Variants in SYNE1 observed in about 807,000 individuals in gnomAD.
SYNE1 encodes nesprin-1.
In SYNE1, 616 loss-of-function variants were observed where a neutral mutation model predicts 1,111.0. The observed-to-expected ratio is 0.55, with a 90% CI of 0.52 to 0.59. SYNE1 has a LOEUF of 0.59. Ranked by LOEUF, SYNE1 falls within the 20% of genes least tolerant of loss-of-function variation. SYNE1 has a pLI of 0.00. For missense variants in SYNE1, 10,006 were observed against 10,417.0 expected, an observed-to-expected ratio of 0.96 and a Z score of 1.72; for synonymous variants, 3,855 against 3,825.8, an observed-to-expected ratio of 1.01 and a Z score of -0.28.
intron 83 of SYNE1, 29 bp from the exon 84 acceptor site, chr6:152,321,419 C>A: frequency 3.1e-6 from 5 of 1,611,912 alleles, no homozygotes; most frequent in Non-Finnish European, 4.2e-6. Context: ...TAAGAAATTT[C>A]TGGGAACCTT....
intron 87 of SYNE1, among the ~76,000 whole-genome samples, chr6:152,313,464 C>CTT (rs35627993): frequency 6.6e-5 from 9 of 135,632 alleles, no homozygotes; most frequent in South Asian, 2.4e-4. Flanking sequence ...ATTTTCTTTT[C>CTT]TTTTTTTTTT....
chr6:152,316,557 T>G, intron 87 of SYNE1: 1 of 402,426 alleles, frequency 2.5e-6, no homozygotes, highest in Non-Finnish European at 4.6e-6. Flanking sequence ...TCCCTGCAGA[T>G]AATTATTTCA....
intron 3 of SYNE1, among the ~76,000 whole-genome samples, chr6:152,578,668 T>G (rs1318705535): frequency 6.6e-6 from 1 of 152,212 alleles, no homozygotes; most frequent in Non-Finnish European, 1.5e-5. Context: ...AACTTTGATT[T>G]CAAGATTCCC....
intron 97 of SYNE1, among the ~76,000 whole-genome samples, chr6:152,279,176 TCTC>T (rs2093851920): frequency 7.2e-6 from 1 of 138,740 alleles, no homozygotes; most frequent in Admixed American, 7.6e-5. Context: ...TGAGACAAGG[TCTC>T]CTCTAAAATG....
At chr6:152,355,088 T>C (rs948288015) in intron 66 of SYNE1, 112 bp from the exon 67 acceptor site, 2 of 1,202,134 alleles carry the variant, frequency 1.7e-6, no homozygotes, top group Non-Finnish European at 2.4e-6. Flanking sequence ...TAGAAAAAAA[T>C]GATTTTATTA....
chr6:152,514,815 C>T (rs890151378), intron 6 of SYNE1, among the ~76,000 whole-genome samples: 2 of 152,164 alleles, frequency 1.3e-5, no homozygotes, highest in African/African-American at 4.8e-5. Flanking sequence ...TAATCCTGGA[C>T]TTCTTGCCTC....
chr6:152,151,756 G>A, intron 134 of SYNE1, 66 bp from the exon 135 acceptor site: 1 of 1,569,980 alleles, frequency 6.4e-7, no homozygotes, highest in Non-Finnish European at 8.7e-7. Context: ...ATATGGAGAT[G>A]GCACAGCGAA....
At chr6:152,185,880 C>T (rs575881393) in intron 128 of SYNE1, among the ~76,000 whole-genome samples, 36 of 152,284 alleles carry the variant, frequency 2.4e-4, no homozygotes, top group African/African-American at 8.4e-4. Flanking sequence ...TTATACAACA[C>T]TTTTCCTAAA....
rs181031492 is a variant in SYNE1, at chr6:152,398,583, T to C, written c.7350+36A>G. 2,614 of 1,576,724 alleles carry C rather than the reference T, an allele frequency of 1.7e-3. 8 individuals are homozygous for C. Among genetic ancestry groups the C allele is most frequent in the Non-Finnish European group, 2.1e-3 (2,456 of 1,146,182 alleles). ...TCTGCCTGCAGGCACCTGAGTACAT[T>C]TTGGGGAAGAAGGAAAAGGATGTCA... On this transcript the variant is annotated intron_variant, in intron 49 of 145. Transcript: ENST00000367255.
intron 42 of SYNE1, among the ~76,000 whole-genome samples, chr6:152,409,945 C>T (rs1238453837): frequency 6.6e-6 from 1 of 152,098 alleles, no homozygotes; most frequent in Non-Finnish European, 1.5e-5. Flanking sequence ...AACTCAATGA[C>T]CATTGAAACA....
chr6:152,301,910 C>T lies in SYNE1; in HGVS notation c.17500G>A (p.Glu5834Lys), dbSNP rs144729848. Residue 5834 changes from glutamate (E) to lysine (K), a missense_variant, in exon 92 of 146, where the codon GAG (glutamate) becomes AAG (lysine). Coordinates refer to ENST00000367255, the MANE Select transcript of SYNE1 (RefSeq NM_182961.4). ...LAEGTEDLDG[E>K]LLPTPSAHPS... ...TGGGCCGAAGGCGTGGGGAGGAGCT[C>T]CCCATCCAGGTCCTCTGTCCCTTCC... The T allele has an allele frequency of 6.2e-7, 1 of 1,614,084 alleles. No individual in the cohort carries two copies. Among genetic ancestry groups the T allele is most frequent in the East Asian group, 2.2e-5 (1 of 44,864 alleles).
intron 42 of SYNE1, among the ~76,000 whole-genome samples, chr6:152,412,023 ATACTT>A (rs756309164): frequency 6.6e-6 from 1 of 152,242 alleles, no homozygotes; most frequent in African/African-American, 2.4e-5. Flanking sequence ...ATGTTTATAA[ATACTT>A]TATTTATAAT....
At chr6:152,230,284 T>A (rs2082487096) in intron 115 of SYNE1, among the ~76,000 whole-genome samples, 1 of 152,156 alleles carries the variant, frequency 6.6e-6, no homozygotes, top group African/African-American at 2.4e-5. Flanking sequence ...TGATGCTCAG[T>A]ATACAGGGTT....
At chr6:152,232,467 A>C (rs1358440887) in intron 112 of SYNE1, among the ~76,000 whole-genome samples, 1 of 152,238 alleles carries the variant, frequency 6.6e-6, no homozygotes, top group African/African-American at 2.4e-5. Flanking sequence ...TTTTATGTTC[A>C]CTTGATATCC....
chr6:152,385,575 A>G, intron 55 of SYNE1, 99 bp downstream of exon 55: 1 of 1,402,740 alleles, frequency 7.1e-7, no homozygotes, highest in East Asian at 2.3e-5. Context: ...AACAGGAAGG[A>G]AACATTTTAA....
chr6:152,544,256 A>T (rs2099293743), intron 3 of SYNE1, among the ~76,000 whole-genome samples: 1 of 152,162 alleles, frequency 6.6e-6, no homozygotes, highest in Non-Finnish European at 1.5e-5. Context: ...ATTTAAGACC[A>T]GTTTTTGGTG....
intron 106 of SYNE1, 44 bp downstream of exon 106, chr6:152,244,493 T>G (rs761728562): frequency 6.2e-7 from 1 of 1,613,476 alleles, no homozygotes; most frequent in African/African-American, 1.3e-5. Flanking sequence ...GACTTCAAGT[T>G]TGATGTACCC....
intron 4 of SYNE1, among the ~76,000 whole-genome samples, chr6:152,528,477 T>A (rs1471469281): frequency 6.6e-6 from 1 of 152,230 alleles, no homozygotes; most frequent in African/African-American, 2.4e-5. Flanking sequence ...CTATGATGAC[T>A]ACCTCACATT....
At chr6:152,396,714 T>C in intron 50 of SYNE1, 61 bp downstream of exon 50, 1 of 1,455,500 alleles carries the variant, frequency 6.9e-7, no homozygotes, top group South Asian at 1.1e-5. Flanking sequence ...GACTCTTTTC[T>C]CTAAGCCTTT....
Sources: gnomAD v4.1 joint callset for allele counts (sites outside exome capture counted in the v4.1 genomes callset) on GRCh38, gnomAD v4.1.1 for gene constraint, MANE v1.5 for transcripts, NCBI Gene and HGNC (gene_info 2026-07-23, HGNC 2026-07-21) for gene names.